AKAP7: variants seen among roughly 807,000 people sequenced by gnomAD.
The protein encoded by AKAP7 is A-kinase anchoring protein 7.
AKAP7 carries 39 observed loss-of-function variants against 39.5 expected under a neutral mutation model. The observed-to-expected ratio is 0.99, with a 90% CI of 0.76 to 1.29. AKAP7 has a LOEUF of 1.29. Ranked by LOEUF, AKAP7 falls within the 50% of genes most tolerant of loss-of-function variation. AKAP7 has a pLI of 0.00. For synonymous variants in AKAP7, 140 were observed against 139.1 expected (o/e 1.01, Z -0.05); for missense variants, 414 against 407.7 (o/e 1.02, Z -0.13).
At chr6:131,257,292 C>T (rs1271385817) in intron 7 of AKAP7, among the ~76,000 whole-genome samples, 3 of 148,708 alleles carry the variant, frequency 2.0e-5, no homozygotes, top group Admixed American at 6.9e-5. Context: ...CCTGTAGTCC[C>T]AACTACTCGG....
At chr6:131,280,711 G>A (rs773298554) in intron 7 of AKAP7, among the ~76,000 whole-genome samples, 7 of 152,176 alleles carry the variant, frequency 4.6e-5, no homozygotes, top group Non-Finnish European at 8.8e-5. Context: ...TCCCTTAACT[G>A]GGGAAGGAGC....
At chr6:131,136,067 C>T (rs966668732) in intron 1 of AKAP7, among the ~76,000 whole-genome samples, 30 of 152,228 alleles carry the variant, frequency 2.0e-4, no homozygotes, top group Admixed American at 1.0e-3. Flanking sequence ...CCTTTCTCAT[C>T]CTGTGACCCT....
chr6:131,277,280 G>C (rs1467318874), intron 7 of AKAP7, among the ~76,000 whole-genome samples: 2 of 152,134 alleles, frequency 1.3e-5, no homozygotes, highest in African/African-American at 4.8e-5. Context: ...CTAAGAAATT[G>C]ATCAAGAATA....
At chr6:131,141,583 C>G (rs1330709685) in intron 1 of AKAP7, among the ~76,000 whole-genome samples, 1 of 152,076 alleles carries the variant, frequency 6.6e-6, no homozygotes, top group Non-Finnish European at 1.5e-5. Context: ...GGCTTTGGAA[C>G]TGGGTAATGG....
intron 6 of AKAP7, among the ~76,000 whole-genome samples, chr6:131,218,874 CT>C (rs1809438713): frequency 1.3e-5 from 2 of 152,132 alleles, no homozygotes. Context: ...TAAAAATTAC[CT>C]CCATCTTATT....
At chr6:131,214,294 G>C (rs1368142605) in intron 6 of AKAP7, among the ~76,000 whole-genome samples, 2 of 152,196 alleles carry the variant, frequency 1.3e-5, no homozygotes, top group Admixed American at 6.5e-5. Context: ...TATTGTAAAT[G>C]TTAGTTAAAA....
chr6:131,128,071 C>T, the AKAP7 span, among the ~76,000 whole-genome samples: 1 of 152,122 alleles, frequency 6.6e-6, no homozygotes, highest in African/African-American at 2.4e-5. Context: ...AAGTAACTAG[C>T]CTCCTATCAA....
At chr6:131,239,212 A>C (rs931516394) in intron 7 of AKAP7, among the ~76,000 whole-genome samples, 1 of 152,094 alleles carries the variant, frequency 6.6e-6, no homozygotes, top group African/African-American at 2.4e-5. Flanking sequence ...AAATTCTTTC[A>C]TTTAAGAATG....
the AKAP7 span, among the ~76,000 whole-genome samples, chr6:131,127,902 A>T: frequency 6.6e-6 from 1 of 152,244 alleles, no homozygotes; most frequent in East Asian, 1.9e-4. Flanking sequence ...GGAGGCCATT[A>T]TCCTTAGCAA....
intron 7 of AKAP7, among the ~76,000 whole-genome samples, chr6:131,234,473 G>A (rs1810872155): frequency 1.3e-5 from 2 of 152,184 alleles, no homozygotes; most frequent in South Asian, 4.1e-4. Context: ...AATGTTCAGT[G>A]TGGAGGGAGG....
At chr6:131,254,234 T>C (rs1000413667) in intron 7 of AKAP7, among the ~76,000 whole-genome samples, 1 of 152,222 alleles carries the variant, frequency 6.6e-6, no homozygotes, top group African/African-American at 2.4e-5. Flanking sequence ...ACATTAAAAA[T>C]TACTGGAAAT....
intron 7 of AKAP7, among the ~76,000 whole-genome samples, chr6:131,242,949 C>T (rs762803182): frequency 2.2e-4 from 34 of 152,112 alleles, no homozygotes; most frequent in African/African-American, 4.1e-4. Context: ...ATTTCAGAAA[C>T]GCTGGTAGGG....
chr6:131,235,434 T>A (rs1810967377), intron 7 of AKAP7, among the ~76,000 whole-genome samples: 1 of 152,344 alleles, frequency 6.6e-6, no homozygotes, highest in South Asian at 2.1e-4. Flanking sequence ...AGTAATGGGA[T>A]GGCTGGGTCA....
chr6:131,138,260 T>C (rs541191426), intron 1 of AKAP7, among the ~76,000 whole-genome samples: 11 of 152,334 alleles, frequency 7.2e-5, no homozygotes, highest in African/African-American at 2.2e-4. Context: ...AACATAAGGA[T>C]CTCCAGTTCC....
chr6:131,147,938 C>T (rs1048108002), intron 2 of AKAP7, among the ~76,000 whole-genome samples: 2 of 152,166 alleles, frequency 1.3e-5, no homozygotes, highest in Admixed American at 1.3e-4. Flanking sequence ...TGCCAGAATC[C>T]CAGAGAGCAA....
chr6:131,229,595 TTGGCCTCCCAAAG>T (rs1810473399), intron 7 of AKAP7, among the ~76,000 whole-genome samples: 2 of 152,070 alleles, frequency 1.3e-5, no homozygotes, highest in African/African-American at 4.8e-5. Flanking sequence ...ATTATCCACC[TTGGCCTCCCAAAG>T]TGGCCTCCCA....
chr6:131,179,469 T>C (rs1804911241), intron 5 of AKAP7, among the ~76,000 whole-genome samples: 1 of 152,180 alleles, frequency 6.6e-6, no homozygotes, highest in Admixed American at 6.5e-5. Context: ...CCACCGTGCC[T>C]GGCCCGTTAT....
chr6:131,202,245 C>A (rs1585077719), intron 6 of AKAP7, among the ~76,000 whole-genome samples: 1 of 148,138 alleles, frequency 6.8e-6, no homozygotes, highest in South Asian at 2.2e-4. Flanking sequence ...TTTGACCCAG[C>A]CATCCCATTA....
At chr6:131,136,049 T>C (rs1800513487) in intron 1 of AKAP7, among the ~76,000 whole-genome samples, 1 of 152,262 alleles carries the variant, frequency 6.6e-6, no homozygotes, top group African/African-American at 2.4e-5. Context: ...GTTTCACTTT[T>C]CTTTCTCCCT....
Sources: gnomAD v4.1 joint callset for allele counts (sites outside exome capture counted in the v4.1 genomes callset) on GRCh38, gnomAD v4.1.1 for gene constraint, MANE v1.5 for transcripts, NCBI Gene and HGNC (gene_info 2026-07-23, HGNC 2026-07-21) for gene names.